Variants in GATA4 observed in about 807,000 individuals in gnomAD.
GATA4 encodes the protein transcription factor GATA-4.
Under a neutral mutation model 37.9 loss-of-function variants are expected in GATA4, and 7 were observed. That is an observed-to-expected ratio of 0.18 (90% CI 0.11 to 0.35). GATA4 has a LOEUF of 0.35. Among genes scored for constraint, GATA4 ranks in the 10% least tolerant of loss-of-function variants. GATA4 has a pLI of 1.00. For missense variants in GATA4, 647 were observed against 653.0 expected, an observed-to-expected ratio of 0.99 and a Z score of 0.10; for synonymous variants, 372 against 292.6, an observed-to-expected ratio of 1.27 and a Z score of -2.77.
intron 1 of GATA4, among the ~76,000 whole-genome samples, chr8:11,696,235 C>G (rs1799504419): frequency 1.3e-5 from 2 of 152,172 alleles, no homozygotes; most frequent in South Asian, 2.1e-4. Context: ...TGAGAATAGT[C>G]CCAGCGCCCC....
chr8:11,730,324 G>C (rs969216885), intron 2 of GATA4, among the ~76,000 whole-genome samples: 1 of 152,206 alleles, frequency 6.6e-6, no homozygotes, highest in African/African-American at 2.4e-5. Context: ...CTAGGCTTTC[G>C]ATTCTTGTGA....
At chr8:11,702,677 T>G (rs938484457), upstream of GATA4, among the ~76,000 whole-genome samples, 1 of 151,300 alleles carries the variant, frequency 6.6e-6, no homozygotes, top group African/African-American at 2.4e-5. The surrounding 1 kb of genome is among the most constrained non-coding windows in gnomAD (Gnocchi z 4.4). Context: ...AGGCTAGGAA[T>G]TGGGGGAAGT....
At chr8:11,692,801 C>A (rs1811993746) in intron 1 of GATA4, 4 of 982,096 alleles carry the variant, frequency 4.1e-6, no homozygotes, top group Admixed American at 6.2e-5. Context: ...GAAGCGGGGC[C>A]GGCGCAGCGG....
At chr8:11,680,400 C>G in intron 1 of GATA4, 2 of 863,296 alleles carry the variant, frequency 2.3e-6, no homozygotes, top group Non-Finnish European at 2.8e-6. Context: ...GCCACTTTCC[C>G]GCCCTCGGCC....
chr8:11,701,341 T>C (rs1799670268), upstream of GATA4, among the ~76,000 whole-genome samples: 1 of 151,742 alleles, frequency 6.6e-6, no homozygotes, highest in South Asian at 2.1e-4. Context: ...TGAATGGGGA[T>C]TGGGCCTGTC....
Position 11,758,295 on chromosome 8 carries a change from G to C in GATA4, c.1152G>C (p.Thr384=). 1 of 1,614,090 alleles carries C rather than the reference G, an allele frequency of 6.2e-7. No individual in the cohort carries two copies. Among genetic ancestry groups the C allele is most frequent in the South Asian group, 1.1e-5 (1 of 91,080 alleles). The change falls in exon 7 of 7, where the codon ACG becomes ACC. Residue 384 remains threonine, a splice_region_variant and synonymous_variant. Transcript: ENST00000532059. ...HYGHSSSVSQ[T]FSVSAMSGHG... is the part of the protein sequence containing the mutation. ...ATCGTGTGCTTTCTGCTTTTCAGAC[G>C]TTCTCAGTCAGTGCGATGTCTGGCC...
chr8:11,690,416 C>T (rs1328453887), upstream of GATA4, among the ~76,000 whole-genome samples: 1 of 152,104 alleles, frequency 6.6e-6, no homozygotes, highest in East Asian at 1.9e-4. Flanking sequence ...AGATTTCTGC[C>T]TTCAAGGAGA....
chr8:11,730,657 A>C (rs1801161045), intron 2 of GATA4, among the ~76,000 whole-genome samples: 1 of 152,098 alleles, frequency 6.6e-6, no homozygotes, highest in Non-Finnish European at 1.5e-5. Flanking sequence ...GGGAAAAGGG[A>C]TGATATTTGG....
upstream of GATA4, among the ~76,000 whole-genome samples, chr8:11,689,064 C>T (rs182270568): frequency 2.6e-5 from 4 of 152,254 alleles, no homozygotes; most frequent in East Asian, 1.9e-4. Context: ...AACAAAGCAG[C>T]GGCAAATCCA....
chr8:11,693,558 C>CAGAGAGAGAGAG (rs1335915996), intron 1 of GATA4, among the ~76,000 whole-genome samples: 3 of 82,328 alleles, frequency 3.6e-5, no homozygotes, highest in African/African-American at 1.3e-4. Context: ...CACACACACA[C>CAGAGAGAGAGAG]ACACAGAGAG....
At chr8:11,682,975 T>C (rs1799020582) in intron 1 of GATA4, 4 of 756,912 alleles carry the variant, frequency 5.3e-6, no homozygotes, top group Non-Finnish European at 6.4e-6. Flanking sequence ...GGGGACAAGA[T>C]ACTGGGTTCA....
upstream of GATA4, among the ~76,000 whole-genome samples, chr8:11,691,124 G>A (rs1352735390): frequency 6.6e-6 from 1 of 152,238 alleles, no homozygotes; most frequent in Non-Finnish European, 1.5e-5. Flanking sequence ...TTGGCGCTGT[G>A]CCTGGCATAT....
intron 2 of GATA4, among the ~76,000 whole-genome samples, chr8:11,731,211 T>C (rs1230326134): frequency 6.6e-6 from 1 of 152,244 alleles, no homozygotes; most frequent in Non-Finnish European, 1.5e-5. Flanking sequence ...AAAACCACAG[T>C]GATCCACATT....
At chr8:11,751,172 A>G (rs1359173267) in intron 4 of GATA4, among the ~76,000 whole-genome samples, 1 of 152,196 alleles carries the variant, frequency 6.6e-6, no homozygotes, top group Non-Finnish European at 1.5e-5. Flanking sequence ...GTAAAGACCA[A>G]TACACACAGT....
upstream of GATA4, chr8:11,692,439 A>G: frequency 7.1e-6 from 6 of 840,666 alleles, no homozygotes; most frequent in Non-Finnish European, 8.6e-6. Context: ...ATCACTATAT[A>G]ATTCGAATGA....
At chr8:11,689,072 C>T (rs1037810388), upstream of GATA4, among the ~76,000 whole-genome samples, 8 of 152,170 alleles carry the variant, frequency 5.3e-5, no homozygotes, top group African/African-American at 1.7e-4. Context: ...AGCGGCAAAT[C>T]CAATAAGCGA....
chr8:11,723,596 G>C (rs889388614), intron 2 of GATA4, among the ~76,000 whole-genome samples: 1 of 152,214 alleles, frequency 6.6e-6, no homozygotes, highest in Non-Finnish European at 1.5e-5. Flanking sequence ...TGTTAGTGAG[G>C]AATGGCGTTT....
chr8:11,754,315 C>T (rs909378767), intron 4 of GATA4, among the ~76,000 whole-genome samples: 4 of 152,330 alleles, frequency 2.6e-5, no homozygotes, highest in Non-Finnish European at 2.9e-5. Flanking sequence ...TTCCTGGGTT[C>T]AAGGGATCCT....
intron 1 of GATA4, chr8:11,680,527 G>T: frequency 1.0e-6 from 1 of 985,490 alleles, no homozygotes; most frequent in South Asian, 4.7e-5. Flanking sequence ...ACCTCGGACG[G>T]GTGTCGCGCC....
Sources: gnomAD v4.1 joint callset for allele counts (sites outside exome capture counted in the v4.1 genomes callset) on GRCh38, gnomAD v4.1.1 for gene constraint, Gnocchi (gnomAD v3.1) non-coding constraint, MANE v1.5 for transcripts, NCBI Gene and HGNC (gene_info 2026-07-23, HGNC 2026-07-21) for gene names.